Variants in SNRNP200 observed in about 807,000 individuals in gnomAD.
SNRNP200 encodes the protein U5 small nuclear ribonucleoprotein 200 kDa helicase.
In SNRNP200, 66 loss-of-function variants were observed where a neutral mutation model predicts 255.2. The observed-to-expected ratio is 0.26, with a 90% confidence interval of 0.21 to 0.32. The LOEUF (loss-of-function observed/expected upper bound fraction) is 0.32. Among genes scored for constraint, SNRNP200 ranks in the 10% least tolerant of loss-of-function variants. SNRNP200 has a pLI of 1.00. For missense variants in SNRNP200, 1,585 were observed against 2,749.8 expected (o/e 0.58, Z 9.47); for synonymous variants, 939 against 1,027.8 (o/e 0.91, Z 1.65).
At position 96,288,959 on chromosome 2, in the gene SNRNP200, T is replaced by C. The variant is rs762487255; in HGVS notation, c.3174+78A>G. ...GCAGGAAACCACACATGAACCCAAA[T>C]TCAAGGTTCATCTTTTAGAAGATTA... On this transcript the variant is annotated intron_variant, in intron 23 of 44. Coordinates refer to ENST00000323853, the MANE Select transcript of SNRNP200 (RefSeq NM_014014.5). The C allele has an allele frequency of 3.6e-6, 5 of 1,371,240 alleles. No homozygotes were observed. The Admixed American group carries it at 5.9e-5, about 16-fold the overall frequency. The allele number at this position is 1,371,240 out of a possible 1,614,324, so 84.9% of individuals were successfully genotyped here. A position where few individuals can be genotyped will look rare whatever the true frequency, so the allele number is the denominator to read the frequency against.
intron 6 of SNRNP200, 55 bp downstream of exon 6, chr2:96,299,274 G>C (rs781593018): frequency 4.0e-6 from 6 of 1,492,674 alleles, no homozygotes; most frequent in Non-Finnish European, 5.6e-6. Context: ...TGGGGAAGAA[G>C]CACTAACACC....
At chr2:96,275,183 G>A in intron 44 of SNRNP200, 28 bp from the exon 45 acceptor site, 3 of 1,614,184 alleles carry the variant, frequency 1.9e-6, no homozygotes, top group East Asian at 2.2e-5. Context: ...AAATCAAGAT[G>A]AGCATGGACA....
At position 96,285,182 on chromosome 2, in the gene SNRNP200, G is replaced by T. The variant is rs147326844; in HGVS notation, c.4162C>A (p.Gln1388Lys). ...YITPMEALAE[Q>K]VYMDWYEKFQ... ...CATGACACAGCGCCACGTCATACCT[G>T]CTCTGCCAGGGCCTCCATGGGGGTG... The change falls in exon 30 of 45, where the codon CAG becomes AAG. Residue 1388 changes from glutamine to lysine, a missense_variant and splice_region_variant. Around this residue, in one of 9 missense-constraint regions of SNRNP200, gnomAD observed 719 missense variants for 1,091.1 expected, o/e 0.66. Coordinates refer to ENST00000323853, the MANE Select transcript of SNRNP200 (RefSeq NM_014014.5). 1 of 1,613,912 alleles carries T rather than the reference G, an allele frequency of 6.2e-7. No homozygotes were observed. The highest frequency in any genetic ancestry group is 1.3e-5 in the African/African-American group (1 of 74,932).
intron 30 of SNRNP200, 60 bp from the exon 31 acceptor site, chr2:96,284,645 T>G (rs781722197): frequency 4.8e-6 from 6 of 1,238,140 alleles, no homozygotes; most frequent in Non-Finnish European, 7.1e-6. Flanking sequence ...CTTTCACTTA[T>G]GTGAGGAAAA....
chr2:96,299,032 C>G, intron 6 of SNRNP200, 65 bp from the exon 7 acceptor site: 1 of 1,600,940 alleles, frequency 6.2e-7, no homozygotes, highest in Non-Finnish European at 8.5e-7. Flanking sequence ...TTGCCACCAC[C>G]CTGCAACCAA....
At position 96,299,331 on chromosome 2, in the gene SNRNP200, T is replaced by G; in HGVS notation, c.727A>C (p.Asn243His). 1 of 1,613,864 alleles carries G rather than the reference T, an allele frequency of 6.2e-7. No individual in the cohort carries two copies. The highest frequency in any genetic ancestry group is 8.5e-7 in the Non-Finnish European group (1 of 1,179,860). ...EAVVRCTLSANLVASGELMSS... is the reference protein window; with the variant it reads ...EAVVRCTLSAHLVASGELMSS... ...GAGGAAGAGCAAACTGAACTTACAT[T>G]AGCCGAGAGGGTGCAGCGCACGACA... Residue 243 changes from asparagine (N) to histidine (H), a missense_variant and splice_region_variant, in exon 6 of 45, where the codon AAT becomes CAT. By Grantham distance (68) the Asn-to-His change is moderately conservative (BLOSUM62 1). Coordinates refer to ENST00000323853, the MANE Select transcript of SNRNP200 (RefSeq NM_014014.5).
intron 5 of SNRNP200, among the ~76,000 whole-genome samples, chr2:96,300,123 T>C (rs900780743): frequency 6.6e-6 from 1 of 152,206 alleles, no homozygotes; most frequent in Non-Finnish European, 1.5e-5. Flanking sequence ...AGCCTTGGTA[T>C]ATATACCGGG....
intron 34 of SNRNP200, chr2:96,282,917 C>T (rs567649773): frequency 9.7e-6 from 5 of 513,806 alleles, no homozygotes; most frequent in African/African-American, 1.9e-5. Flanking sequence ...GGAGAATCAG[C>T]GGTCTGGTGG....
chr2:96,278,598 G>A lies in SNRNP200; in HGVS notation c.5437C>T (p.Leu1813=). The A allele has an allele frequency of 6.2e-7, 1 of 1,614,220 alleles. No individual in the cohort carries two copies. The highest frequency in any genetic ancestry group is 8.5e-7 in the Non-Finnish European group (1 of 1,180,050). ...TAGGCGGCGATCATGCCTAGGTTCA[G>A]AGGCGCCACGTCCATCTCGTCCTCG... ...SIEDEMDVAP[L]NLGMIAAYYY... The change falls in exon 38 of 45, where the codon CTG becomes TTG. Residue 1813 remains leucine, a synonymous_variant. Transcript: ENST00000323853. This position sits in a 1 kb window ranked among gnomAD's most constrained non-coding sequence, Gnocchi z 6.9.
At position 96,277,293 on chromosome 2, in the gene SNRNP200, A is replaced by G. The variant is rs1303460960; in HGVS notation, c.5932-52T>C. 4 of 1,593,208 alleles carry G rather than the reference A, an allele frequency of 2.5e-6. No homozygotes were observed. In the Admixed American group the frequency reaches 5.0e-5, roughly 20 times the overall value. On this transcript the variant is annotated intron_variant, in intron 41 of 44. Transcript: ENST00000323853. The surrounding 1 kb of genome is among the most constrained non-coding windows in gnomAD (Gnocchi z 4.4). Reference sequence around the variant, plus strand: ...AAGAGAGAACACGGGCCAACAGCAAATGACACAGGCAGCAAAGAGCTACTA... The same window carrying G: ...AAGAGAGAACACGGGCCAACAGCAAGTGACACAGGCAGCAAAGAGCTACTA...
chr2:96,293,980 G>A (rs2063900522), intron 14 of SNRNP200, among the ~76,000 whole-genome samples: 1 of 152,146 alleles, frequency 6.6e-6, no homozygotes, highest in African/African-American at 2.4e-5. Context: ...GTATTCAGCA[G>A]GTGTGGGGTG....
At chr2:96,305,266 C>T in intron 1 of SNRNP200, 127 bp downstream of exon 1, 3 of 1,263,390 alleles carry the variant, frequency 2.4e-6, no homozygotes, top group East Asian at 2.3e-5. Flanking sequence ...CCCACCTTCA[C>T]CCCGATTCCA....
At position 96,293,431 on chromosome 2, in the gene SNRNP200, T is replaced by C. The variant is rs940966257; in HGVS notation, c.1921A>G (p.Met641Val). 6.2e-7 allele frequency: 1 copy of C among 1,613,528 alleles called. No homozygotes were observed. ...LVARAIRNIEMTQEDVRLIGL... is the reference protein window; with the variant it reads ...LVARAIRNIEVTQEDVRLIGL... ...ATGAGTCGGACATCCTCTTGGGTCA[T>C]CTCAATGTTTCGGATGGCCCTGGCC... is the stretch of plus-strand genomic sequence containing the variant. The change falls in exon 15 of 45, where the codon ATG becomes GTG. Residue 641 changes from methionine (M) to valine (V), a missense_variant. This residue lies in a region of SNRNP200 where 140 missense variants were observed against 274.9 expected (regional missense o/e 0.51). Coordinates refer to ENST00000323853, the MANE Select transcript of SNRNP200 (RefSeq NM_014014.5).
rs2063876257 is a variant in SNRNP200 at position 96,290,266 on chromosome 2, C to T, written c.2742+60G>A. 1 of 1,584,344 alleles carries T rather than the reference C, an allele frequency of 6.3e-7. No individual in the cohort carries two copies. Among genetic ancestry groups the T allele is most frequent in the African/African-American group, 1.3e-5 (1 of 74,254 alleles). On this transcript the variant is annotated intron_variant, in intron 20 of 44. Transcript: ENST00000323853. This position sits in a 1 kb window ranked among gnomAD's most constrained non-coding sequence, Gnocchi z 4.5. ...CCGCAGCACAATAGGGACCGACCCA[C>T]TCCTGGTGCCTTGGTGTCTGCGGGG...
At position 96,297,433 on chromosome 2, in the gene SNRNP200, C is replaced by T. The variant is rs1322412557; in HGVS notation, c.1307G>A (p.Arg436His). Residue 436 changes from arginine (R) to histidine (H), a missense_variant, in exon 11 of 45, where the codon CGT (arginine) becomes CAT (histidine). By Grantham distance (29) the Arg-to-His change is conservative. Coordinates refer to ENST00000323853, the MANE Select transcript of SNRNP200 (RefSeq NM_014014.5). ...CTCTTCATAGCCCTTACGCTGGCGA[C>T]GGAAGGATCCATCAGGAAGCTGACA... Reference protein sequence around the residue: ...KRCQLPDGSFRRQRKGYEEVH... With the variant: ...KRCQLPDGSFHRQRKGYEEVH... The T allele has an allele frequency of 7.4e-6, 12 of 1,614,156 alleles. No homozygotes were observed. Among genetic ancestry groups the T allele is most frequent in the East Asian group, 2.2e-5 (1 of 44,880 alleles).
Position 96,274,823 on chromosome 2 carries a change from A to G in SNRNP200, c.*189T>C. On this transcript the variant is annotated 3_prime_UTR_variant, in exon 45 of 45. Transcript: ENST00000323853. Reference sequence around the variant, plus strand: ...GCTATATATGATTTATGCTTGACCCATGACACCTGCTGTCACTGGATCCAG... The same window carrying G: ...GCTATATATGATTTATGCTTGACCCGTGACACCTGCTGTCACTGGATCCAG... 1 of 674,512 alleles carries G rather than the reference A, an allele frequency of 1.5e-6. No homozygotes were observed. Among genetic ancestry groups the G allele is most frequent in the Non-Finnish European group, 2.7e-6 (1 of 375,662 alleles). The allele number at this position is 674,512 out of a possible 1,614,324, so 41.8% of individuals were successfully genotyped here. A position where few individuals can be genotyped will look rare whatever the true frequency, so the allele number is the denominator to read the frequency against.
chr2:96,275,377 A>G, intron 43 of SNRNP200, 28 bp from the exon 44 acceptor site: 1 of 1,604,310 alleles, frequency 6.2e-7, no homozygotes, highest in Non-Finnish European at 8.5e-7. Flanking sequence ...CAAGAATTTC[A>G]GCATGTAAAA....
Position 96,296,918 on chromosome 2 carries a change from C to T in SNRNP200, c.1515+15G>A. On this transcript the variant is annotated intron_variant, in intron 12 of 44. Coordinates refer to ENST00000323853, the MANE Select transcript of SNRNP200 (RefSeq NM_014014.5). Reference sequence around the variant, plus strand: ...CCATATTCTACAAGAAAACAGCAGGCAGGGTGGCGCTTACAGTAGGAGCAC... The same window carrying T: ...CCATATTCTACAAGAAAACAGCAGGTAGGGTGGCGCTTACAGTAGGAGCAC... 1 of 1,614,118 alleles carries T rather than the reference C, an allele frequency of 6.2e-7. No homozygotes were observed. The highest frequency in any genetic ancestry group is 2.2e-5 in the East Asian group (1 of 44,882).
chr2:96,287,168 G>C lies in SNRNP200; in HGVS notation c.3485-8C>G, dbSNP rs755752705. ...GCATGCGGATAAGCTCCCCTACAAG[G>C]AAATGAGAGTACTGAGGCTGCAGCC... On this transcript the variant is annotated splice_polypyrimidine_tract_variant and splice_region_variant and intron_variant, in intron 26 of 44. Transcript: ENST00000323853. This position sits in a 1 kb window ranked among gnomAD's most constrained non-coding sequence, Gnocchi z 5.7. 4 of 1,614,080 alleles carry C rather than the reference G, an allele frequency of 2.5e-6. No individual in the cohort carries two copies. The African/African-American group carries it at 5.3e-5, about 22-fold the overall frequency.
Sources: gnomAD v4.1 joint callset for allele counts (sites outside exome capture counted in the v4.1 genomes callset) on GRCh38, gnomAD v4.1.1 for gene constraint, gnomAD v4.1.1 regional missense constraint, Gnocchi (gnomAD v3.1) non-coding constraint, MANE v1.5 for transcripts, NCBI Gene and HGNC (gene_info 2026-07-23, HGNC 2026-07-21) for gene names.